The following CNTNAP5 variants were observed in gnomAD, a reference collection of about 807,000 sequenced individuals.
CNTNAP5 encodes the protein contactin associated protein family member 5, also known as contactin-associated protein-like 5.
CNTNAP5 carries 72 observed loss-of-function variants against 150.2 expected under a neutral mutation model. The ratio of observed to expected loss-of-function variants is 0.48; its 90% CI spans 0.40 to 0.58. The LOEUF is 0.58. CNTNAP5 is among the 20% of genes least tolerant of loss of function. CNTNAP5 has a pLI of 0.00. For synonymous variants in CNTNAP5, 672 were observed against 619.8 expected (o/e 1.08, Z -1.25); for missense variants, 1,636 against 1,626.2 (o/e 1.01, Z -0.10).
At position 124,025,376 on chromosome 2, in the gene CNTNAP5, T is replaced by G. The variant is rs1680850742; in HGVS notation, c.-275T>G. The G allele has an allele frequency of 4.1e-6, 2 of 492,520 alleles. No homozygotes were observed. The highest frequency in any genetic ancestry group is 7.4e-6 in the Non-Finnish European group (2 of 268,914). The allele number at this position is 492,520 out of a possible 1,614,324, so 30.5% of individuals were successfully genotyped here. ...CTAATTGGGTTTGGATTTGCACCGT[T>G]AAGGAGGGGGGAAGAGAAGGAAGAG... On this transcript the variant is annotated 5_prime_UTR_variant, in exon 1 of 24. Coordinates refer to ENST00000682447, the MANE Select transcript of CNTNAP5 (RefSeq NM_001367498.1).
At chr2:124,492,919 G>A (rs1379378373) in intron 7 of CNTNAP5, among the ~76,000 whole-genome samples, 2 of 152,026 alleles carry the variant, frequency 1.3e-5, no homozygotes, top group African/African-American at 4.8e-5. Context: ...TACAAACATA[G>A]ATAATTTACT....
chr2:124,706,792 AAGAAGG>A (rs1159335277), intron 13 of CNTNAP5, among the ~76,000 whole-genome samples: 17 of 24,552 alleles, frequency 6.9e-4, no homozygotes, highest in South Asian at 3.6e-3. Context: ...GAAGAAGAAG[AAGAAGG>A]AGGAGGAGGA....
chr2:124,122,162 T>G (rs1263040415), intron 1 of CNTNAP5, among the ~76,000 whole-genome samples: 1 of 152,120 alleles, frequency 6.6e-6, no homozygotes, highest in Non-Finnish European at 1.5e-5. Context: ...CCTTGAAAAT[T>G]TCCCCTCATC....
intron 7 of CNTNAP5, among the ~76,000 whole-genome samples, chr2:124,500,961 G>A (rs55788372): frequency 0.04 from 6,105 of 152,158 alleles, 148 homozygotes; most frequent in Non-Finnish European, 0.042. Flanking sequence ...TGGAGCTTTG[G>A]GGGTGTGGTA....
intron 4 of CNTNAP5, among the ~76,000 whole-genome samples, chr2:124,424,711 A>G (rs1345287204): frequency 6.6e-6 from 1 of 152,214 alleles, no homozygotes; most frequent in Non-Finnish European, 1.5e-5. Context: ...TCAACAGTCA[A>G]CAAACATTAC....
chr2:124,099,125 A>G (rs1683007075), intron 1 of CNTNAP5, among the ~76,000 whole-genome samples: 2 of 152,154 alleles, frequency 1.3e-5, no homozygotes, highest in African/African-American at 2.4e-5. Flanking sequence ...TGTAAGCTCC[A>G]GTGATATTGA....
intron 1 of CNTNAP5, among the ~76,000 whole-genome samples, chr2:124,096,315 G>T (rs78851563): frequency 1.3e-5 from 2 of 151,986 alleles, no homozygotes; most frequent in Non-Finnish European, 2.9e-5. Flanking sequence ...AAACATATGG[G>T]AGCCCTGCTG....
At chr2:124,888,767 C>T (rs1175095977) in intron 21 of CNTNAP5, among the ~76,000 whole-genome samples, 1 of 152,008 alleles carries the variant, frequency 6.6e-6, no homozygotes, top group African/African-American at 2.4e-5. Context: ...TGATCATGTC[C>T]TTTGCCCTTT....
intron 6 of CNTNAP5, among the ~76,000 whole-genome samples, chr2:124,451,046 AAAAAAATAT>A (rs1412581385): frequency 1.4e-5 from 1 of 73,364 alleles, no homozygotes; most frequent in Non-Finnish European, 2.7e-5. Flanking sequence ...AAAAAAAAAA[AAAAAAATAT>A]ATATATATAT....
chr2:124,358,135 A>G (rs1431002231), intron 3 of CNTNAP5, among the ~76,000 whole-genome samples: 1 of 152,072 alleles, frequency 6.6e-6, no homozygotes, highest in Non-Finnish European at 1.5e-5. Flanking sequence ...AATGCTTGTG[A>G]TTTTTGTACA....
At chr2:124,138,916 A>T (rs1684039376) in intron 1 of CNTNAP5, among the ~76,000 whole-genome samples, 1 of 151,986 alleles carries the variant, frequency 6.6e-6, no homozygotes, top group African/African-American at 2.4e-5. Flanking sequence ...CATCAGTAGC[A>T]GCCTTTGCAT....
At chr2:124,690,018 C>A (rs922528783) in intron 13 of CNTNAP5, among the ~76,000 whole-genome samples, 1 of 142,702 alleles carries the variant, frequency 7.0e-6, no homozygotes, top group Non-Finnish European at 1.6e-5. Context: ...TCTTCACTTA[C>A]GGGAAATTTT....
intron 13 of CNTNAP5, among the ~76,000 whole-genome samples, chr2:124,675,246 A>G (rs1678914840): frequency 6.6e-6 from 1 of 152,116 alleles, no homozygotes; most frequent in African/African-American, 2.4e-5. Flanking sequence ...TATTTTCTCC[A>G]ACATTATTTT....
At chr2:124,710,452 A>G (rs1679783387) in intron 13 of CNTNAP5, among the ~76,000 whole-genome samples, 1 of 152,156 alleles carries the variant, frequency 6.6e-6, no homozygotes, top group African/African-American at 2.4e-5. Context: ...TTTTCTCTAT[A>G]TAAATTTGGA....
chr2:124,650,894 G>A (rs900452881), intron 13 of CNTNAP5, among the ~76,000 whole-genome samples: 1 of 152,022 alleles, frequency 6.6e-6, no homozygotes, highest in Non-Finnish European at 1.5e-5. Context: ...GAACAGTTTT[G>A]CATTTAGATC....
At chr2:124,360,913 T>G (rs974760715) in intron 3 of CNTNAP5, among the ~76,000 whole-genome samples, 2 of 145,862 alleles carry the variant, frequency 1.4e-5, no homozygotes, top group African/African-American at 5.1e-5. Flanking sequence ...TTTTCCAACT[T>G]GGTTCCCTTC....
At chr2:124,262,727 G>T (rs948562451) in intron 3 of CNTNAP5, among the ~76,000 whole-genome samples, 1 of 151,240 alleles carries the variant, frequency 6.6e-6, no homozygotes, top group South Asian at 2.1e-4. Flanking sequence ...GTATATATGT[G>T]CCATGTTGGT....
In CNTNAP5 at chr2:124,252,690, C is replaced by T. The variant is rs115483919; in HGVS notation, c.381+10297C>T. Among the ~76,000 whole-genome samples the T allele has an allele frequency of 5.5e-3, 841 of 152,222 alleles. 6 individuals are homozygous for T. Among genetic ancestry groups the T allele is most frequent in the Middle Eastern group, 0.017 (5 of 294 alleles). ...AATTAAATGACAACTCAATGAATGGCTTTGTCAATTTTGTGTAATGGAAAG... is the reference window on the plus strand; with the variant it reads ...AATTAAATGACAACTCAATGAATGGTTTTGTCAATTTTGTGTAATGGAAAG... On this transcript the variant is annotated intron_variant, in intron 3 of 23. Transcript: ENST00000682447.
At chr2:124,542,880 A>G (rs11899392) in intron 10 of CNTNAP5, among the ~76,000 whole-genome samples, 63,114 of 151,774 alleles carry the variant, frequency 0.42, 13,562 homozygotes, top group East Asian at 0.63. Context: ...TAAACTGCAT[A>G]TGAAGCTAAC....
Sources: gnomAD v4.1 joint callset for allele counts (sites outside exome capture counted in the v4.1 genomes callset) on GRCh38, gnomAD v4.1.1 for gene constraint, MANE v1.5 for transcripts, NCBI Gene and HGNC (gene_info 2026-07-23, HGNC 2026-07-21) for gene names.